Variants in GRB10 observed in about 807,000 individuals in gnomAD.
The protein encoded by GRB10 is growth factor receptor-bound protein 10.
Under a neutral mutation model 80.9 loss-of-function variants are expected in GRB10, and 20 were observed. That is an observed-to-expected ratio of 0.25 (90% CI 0.17 to 0.36). The LOEUF is 0.36. GRB10 is among the 10% of genes least tolerant of loss of function. The pLI is 1.00. For synonymous variants in GRB10, 291 were observed against 291.5 expected (o/e 1.00, Z 0.02); for missense variants, 548 against 747.7 (o/e 0.73, Z 3.12).
intron 2 of GRB10, among the ~76,000 whole-genome samples, chr7:50,773,225 A>C (rs952104248): frequency 2.6e-5 from 4 of 151,716 alleles, no homozygotes. Flanking sequence ...ATTACCTCCC[A>C]CCAGGTCCCT....
At chr7:50,759,041 A>G (rs1378041208) in intron 2 of GRB10, among the ~76,000 whole-genome samples, 3 of 151,984 alleles carry the variant, frequency 2.0e-5, no homozygotes, top group African/African-American at 7.3e-5. Context: ...CTTCTTTTAA[A>G]AATTAGCTGG....
chr7:50,642,175 G>A (rs1388415673), intron 7 of GRB10, among the ~76,000 whole-genome samples: 2 of 152,074 alleles, frequency 1.3e-5, no homozygotes. Flanking sequence ...AACCAGCAGG[G>A]GAAACTGCAG....
chr7:50,603,063 T>G (rs1316469076), intron 17 of GRB10, among the ~76,000 whole-genome samples: 1 of 152,194 alleles, frequency 6.6e-6, no homozygotes, highest in Non-Finnish European at 1.5e-5. Context: ...GTAATAAAAC[T>G]TTTTGTAAAA....
At chr7:50,604,168 A>G in intron 16 of GRB10, 83 bp from the exon 17 acceptor site, 2 of 1,339,226 alleles carry the variant, frequency 1.5e-6, no homozygotes, top group Non-Finnish European at 2.2e-6. Context: ...ACTCTGATCA[A>G]CTCAGAGCCC....
At chr7:50,723,011 C>T (rs1488233065) in intron 4 of GRB10, among the ~76,000 whole-genome samples, 1 of 152,118 alleles carries the variant, frequency 6.6e-6, no homozygotes, top group Non-Finnish European at 1.5e-5. Flanking sequence ...AACCTGACCT[C>T]AAAGACCAAT....
chr7:50,771,051 A>G (rs1446880035), intron 2 of GRB10, among the ~76,000 whole-genome samples: 2 of 152,136 alleles, frequency 1.3e-5, no homozygotes, highest in African/African-American at 2.4e-5. Flanking sequence ...AGTCTGACAG[A>G]AGCCAAACCT....
At chr7:50,777,669 T>C (rs186310268) in intron 2 of GRB10, among the ~76,000 whole-genome samples, 1 of 151,880 alleles carries the variant, frequency 6.6e-6, no homozygotes, top group Admixed American at 6.6e-5. Flanking sequence ...CCAACCCAAA[T>C]GCCCATTAAT....
chr7:50,732,199 G>T, intron 4 of GRB10, 73 bp downstream of exon 4: 1 of 1,464,520 alleles, frequency 6.8e-7, no homozygotes, highest in Non-Finnish European at 9.6e-7. Flanking sequence ...ATCCATGGCT[G>T]CTGGCGACAT....
At chr7:50,752,016 T>G (rs2074189008) in intron 3 of GRB10, among the ~76,000 whole-genome samples, 1 of 152,258 alleles carries the variant, frequency 6.6e-6, no homozygotes, top group Non-Finnish European at 1.5e-5. Flanking sequence ...TCTCGTTGGC[T>G]GATCAAGGAT....
Position 50,669,730 on chromosome 7 carries a change from C to T in GRB10, c.496G>A (p.Ala166Thr), listed in dbSNP as rs761493243. 5.0e-6 allele frequency: 8 copies of T among 1,612,914 alleles called. No individual in the cohort carries two copies. Among genetic ancestry groups the T allele is most frequent in the East Asian group, 2.2e-5 (1 of 44,884 alleles). The change falls in exon 7 of 19, where the codon GCA becomes ACA. Residue 166 changes from alanine (A) to threonine (T), a missense_variant. Physicochemically the swap from Ala to Thr is moderately conservative, Grantham distance 58 (BLOSUM62 0). Coordinates refer to ENST00000401949, the MANE Select transcript of GRB10 (RefSeq NM_001350814.2). ...PGSLPPSQAA[A>T]KQDVKVFSED... is the part of the protein sequence containing the mutation. ...GCCAGGGGCACACTCACCTGCTTTG[C>T]GGCGGCCTGGCTCGGAGGTAAAGAA... is the stretch of plus-strand genomic sequence containing the variant.
chr7:50,777,501 T>C (rs2077802464), intron 2 of GRB10, among the ~76,000 whole-genome samples: 1 of 151,558 alleles, frequency 6.6e-6, no homozygotes, highest in South Asian at 2.1e-4. Flanking sequence ...AATTGAATTA[T>C]ATACTTCAAA....
Position 50,755,954 on chromosome 7 carries a change from G to C in GRB10, c.-114C>G. 1 of 399,092 alleles carries C rather than the reference G, an allele frequency of 2.5e-6. No homozygotes were observed. The highest frequency in any genetic ancestry group is 4.4e-6 in the Non-Finnish European group (1 of 226,458). 24.7% of individuals were successfully genotyped at this position (399,092 alleles called of 1,614,324 possible). On this transcript the variant is annotated 5_prime_UTR_variant, in exon 3 of 19. Coordinates refer to ENST00000401949, the MANE Select transcript of GRB10 (RefSeq NM_001350814.2). ...ACCCTGGCTTCACTGAGAGGACCCA[G>C]GTGAGGACCTGGCTGCCGGTCACTG...
At chr7:50,618,195 G>T (rs759955279) in intron 9 of GRB10, 56 bp from the exon 10 acceptor site, 3 of 1,284,682 alleles carry the variant, frequency 2.3e-6, no homozygotes, top group African/African-American at 1.5e-5. Flanking sequence ...GTGAGGGAAG[G>T]TATGTCATAT....
intron 5 of GRB10, among the ~76,000 whole-genome samples, chr7:50,681,625 T>C (rs904682202): frequency 1.3e-5 from 2 of 152,274 alleles, no homozygotes; most frequent in African/African-American, 4.8e-5. Context: ...ATCTGGTTTA[T>C]GAGCCTCTTT....
In GRB10 at chr7:50,645,674, T is replaced by A. The variant is rs1009430461; in HGVS notation, c.505-18696A>T. 16 of 972,826 alleles carry A rather than the reference T, an allele frequency of 1.6e-5. No individual in the cohort carries two copies. In the Admixed American group the frequency reaches 3.7e-4, roughly 22 times the overall value. 60.3% of individuals were successfully genotyped at this position (972,826 alleles called of 1,614,324 possible). On this transcript the variant is annotated intron_variant, in intron 7 of 18. Coordinates refer to ENST00000401949, the MANE Select transcript of GRB10 (RefSeq NM_001350814.2). ...AGATCTGAAAGCAAACGCCGTCGTA[T>A]CAGACCTCTTGGGGTCTGTCCATTT...
upstream of GRB10, among the ~76,000 whole-genome samples, chr7:50,786,739 T>C (rs935997470): frequency 7.9e-5 from 12 of 152,202 alleles, no homozygotes; most frequent in African/African-American, 2.7e-4. Context: ...GAAGCTTCTA[T>C]AGAAAGTACT....
intron 3 of GRB10, among the ~76,000 whole-genome samples, chr7:50,742,827 T>G (rs1419822579): frequency 6.6e-6 from 1 of 152,034 alleles, no homozygotes; most frequent in African/African-American, 2.4e-5. Flanking sequence ...GTTTCTATGA[T>G]GTCTGCAGGG....
At chr7:50,717,597 A>C (rs940875448) in intron 4 of GRB10, among the ~76,000 whole-genome samples, 1 of 152,244 alleles carries the variant, frequency 6.6e-6, no homozygotes. Context: ...ATATGACAAC[A>C]GGCCCCTCCT....
At chr7:50,769,831 C>T (rs116004811) in intron 2 of GRB10, among the ~76,000 whole-genome samples, 3,024 of 152,252 alleles carry the variant, frequency 0.02, 103 homozygotes, top group African/African-American at 0.069. Flanking sequence ...TTCTTATTCT[C>T]CCGTTGCTGT....
Sources: gnomAD v4.1 joint callset for allele counts (sites outside exome capture counted in the v4.1 genomes callset) on GRCh38, gnomAD v4.1.1 for gene constraint, MANE v1.5 for transcripts, NCBI Gene and HGNC (gene_info 2026-07-23, HGNC 2026-07-21) for gene names.